The following TASP1 variants were observed in gnomAD, a reference collection of about 807,000 sequenced individuals.
The protein encoded by TASP1 is taspase 1.
In TASP1, 16 loss-of-function variants were observed where a neutral mutation model predicts 56.6. That is an observed-to-expected ratio of 0.28 (90% CI 0.19 to 0.43). The LOEUF is 0.43. TASP1 is among the 20% of genes least tolerant of loss of function. The pLI, the probability that TASP1 is intolerant of heterozygous loss-of-function variation, is 1.00. For synonymous variants in TASP1, 179 were observed against 184.2 expected (o/e 0.97, Z 0.23); for missense variants, 393 against 511.6 (o/e 0.77, Z 2.24).
chr20:13,146,267 A>T, the TASP1 span, among the ~76,000 whole-genome samples: 1 of 152,070 alleles, frequency 6.6e-6, no homozygotes. Context: ...AGACACTGGG[A>T]TCTGCTTGAG....
chr20:13,191,539 T>C, the TASP1 span, among the ~76,000 whole-genome samples: 1 of 152,104 alleles, frequency 6.6e-6, no homozygotes, highest in Admixed American at 6.6e-5. Flanking sequence ...CTAAAAACGT[T>C]GGTTACATAG....
chr20:13,113,020 TAA>T, the TASP1 span, among the ~76,000 whole-genome samples: 1 of 151,986 alleles, frequency 6.6e-6, no homozygotes, highest in Non-Finnish European at 1.5e-5. Context: ...CCACCTCTAC[TAA>T]AAAGACAAAA....
chr20:13,215,800 T>C, the TASP1 span, among the ~76,000 whole-genome samples: 1 of 152,194 alleles, frequency 6.6e-6, no homozygotes, highest in African/African-American at 2.4e-5. Flanking sequence ...TCATAGGTTT[T>C]GTGTGTGTTG....
At chr20:13,617,566 AGGGGGCGCTG>A (rs1454401683) in intron 4 of TASP1, among the ~76,000 whole-genome samples, 1 of 152,160 alleles carries the variant, frequency 6.6e-6, no homozygotes, top group Non-Finnish European at 1.5e-5. Flanking sequence ...ACTGGGGGGC[AGGGGGCGCTG>A]GGGAAAGAGC....
intron 9 of TASP1, 109 bp downstream of exon 9, chr20:13,533,913 A>G (rs2045319309): frequency 7.9e-7 from 1 of 1,258,244 alleles, no homozygotes; most frequent in Non-Finnish European, 1.1e-6. Flanking sequence ...AAAAACAATG[A>G]CATTCATTTT....
the TASP1 span, among the ~76,000 whole-genome samples, chr20:13,141,245 G>T: frequency 6.6e-6 from 1 of 152,204 alleles, no homozygotes; most frequent in East Asian, 1.9e-4. Flanking sequence ...GTTGGGAGCT[G>T]CAAGCTACAC....
In TASP1 at chr20:13,424,092, C is replaced by T. The variant is rs144740097; in HGVS notation, c.1097-6571G>A. 3.2e-3 allele frequency among the ~76,000 whole-genome samples: 494 copies of T among 152,250 alleles called. 2 individuals carry two copies. Among genetic ancestry groups the T allele is most frequent in the East Asian group, 0.01 (53 of 5,178 alleles). ...CAAAACAAACAGAACAAAACAAACA[C>T]GCACTGTACCTGACAACTTCCTCAA... On this transcript the variant is annotated intron_variant, in intron 12 of 13. Coordinates refer to ENST00000337743, the MANE Select transcript of TASP1 (RefSeq NM_017714.3).
chr20:13,615,521 T>TC (rs2048492460), intron 4 of TASP1, among the ~76,000 whole-genome samples: 1 of 151,162 alleles, frequency 6.6e-6, no homozygotes, highest in African/African-American at 2.4e-5. Flanking sequence ...TTTTTTTTTT[T>TC]TGAGACACAG....
At chr20:13,440,680 T>TAA (rs34830955) in intron 11 of TASP1, among the ~76,000 whole-genome samples, 1 of 142,806 alleles carries the variant, frequency 7.0e-6, no homozygotes, top group African/African-American at 2.6e-5. Context: ...ACTGATAAGC[T>TAA]AAAAAAAAAA....
chr20:13,323,399 G>A, the TASP1 span, among the ~76,000 whole-genome samples: 2,407 of 152,298 alleles, frequency 0.016, 60 homozygotes, highest in African/African-American at 0.055. Flanking sequence ...CTTCCTGGAT[G>A]AAAGACTATT....
intron 10 of TASP1, among the ~76,000 whole-genome samples, chr20:13,500,750 G>C (rs565903583): frequency 6.6e-6 from 1 of 152,008 alleles, no homozygotes; most frequent in East Asian, 1.9e-4. Flanking sequence ...TGAATAAATA[G>C]GAATGTGGTA....
intron 12 of TASP1, among the ~76,000 whole-genome samples, chr20:13,429,615 AGTGT>A (rs36104978): frequency 2.9e-4 from 43 of 148,582 alleles, no homozygotes; most frequent in South Asian, 6.4e-4. Flanking sequence ...GGTGTGTGTG[AGTGT>A]GTGTGTGTGT....
At chr20:13,446,282 C>G (rs6042111) in intron 11 of TASP1, among the ~76,000 whole-genome samples, 8,916 of 152,134 alleles carry the variant, frequency 0.059, 371 homozygotes, top group African/African-American at 0.12. Flanking sequence ...TTATATAACA[C>G]AGATACTAGG....
At chr20:13,445,779 T>C (rs78518876) in intron 11 of TASP1, among the ~76,000 whole-genome samples, 2,550 of 152,208 alleles carry the variant, frequency 0.017, 71 homozygotes, top group African/African-American at 0.056. Flanking sequence ...TATCACAAAG[T>C]AGAAGAGGGC....
chr20:13,516,342 A>C (rs1239276999), intron 10 of TASP1, among the ~76,000 whole-genome samples: 1 of 152,196 alleles, frequency 6.6e-6, no homozygotes, highest in African/African-American at 2.4e-5. Flanking sequence ...TCAGGAAATT[A>C]GAAACAGGTG....
chr20:13,225,012 ATTTTTTTT>A, the TASP1 span, among the ~76,000 whole-genome samples: 43 of 137,686 alleles, frequency 3.1e-4, no homozygotes, highest in East Asian at 8.9e-3. Context: ...CGCCCGGCTA[ATTTTTTTT>A]TTTTTTGTAT....
At chr20:13,581,099 G>C (rs1020342379) in intron 5 of TASP1, 118 bp from the exon 6 acceptor site, 1 of 847,852 alleles carries the variant, frequency 1.2e-6, no homozygotes, top group African/African-American at 1.7e-5. Flanking sequence ...ATTCTTTTTC[G>C]ATATATCAAA....
chr20:13,237,154 A>C, the TASP1 span, among the ~76,000 whole-genome samples: 1 of 152,188 alleles, frequency 6.6e-6, no homozygotes, highest in African/African-American at 2.4e-5. Flanking sequence ...ACACATGAGA[A>C]TTCTGGGAGA....
the TASP1 span, among the ~76,000 whole-genome samples, chr20:13,323,734 G>C: frequency 6.6e-6 from 1 of 152,080 alleles, no homozygotes. Flanking sequence ...TCTTAAATGA[G>C]AGTATTTAGT....
Sources: allele counts gnomAD v4.1 joint callset (sites outside exome capture counted in the v4.1 genomes callset), GRCh38; gene constraint gnomAD v4.1.1; transcripts MANE v1.5; gene names NCBI Gene and HGNC (gene_info 2026-07-23, HGNC 2026-07-21).